Variants in CNTNAP3B observed in about 807,000 individuals in gnomAD.
The protein encoded by CNTNAP3B is contactin associated protein family member 3B, also known as contactin-associated protein-like 3B.
Under a neutral mutation model 108.9 loss-of-function variants are expected in CNTNAP3B, and 25 were observed. The observed-to-expected ratio is 0.23, with a 90% CI of 0.17 to 0.32. The LOEUF (loss-of-function observed/expected upper bound fraction) is 0.32, where lower values mean the gene tolerates loss of function less well. Among genes scored for constraint, CNTNAP3B ranks in the 10% least tolerant of loss-of-function variants. The probability of loss-of-function intolerance (pLI) is 1.00; values close to 1 mark genes in which losing one functional copy is unlikely to be tolerated. For missense variants in CNTNAP3B, 252 were observed against 1,210.4 expected (o/e 0.21, Z 11.75); for synonymous variants, 103 against 473.4 (o/e 0.22, Z 10.16).
intron 3 of CNTNAP3B, among the ~76,000 whole-genome samples, chr9:42,021,920 C>T (rs1359505839): frequency 7.7e-6 from 1 of 129,570 alleles, no homozygotes; most frequent in Non-Finnish European, 1.6e-5. Context: ...AGTTAACCCC[C>T]TTCTTGCCCT....
At chr9:41,939,169 A>G (rs917899488) in intron 13 of CNTNAP3B, among the ~76,000 whole-genome samples, 1 of 152,296 alleles carries the variant, frequency 6.6e-6, no homozygotes, top group Non-Finnish European at 1.5e-5. Context: ...GACTGACAGC[A>G]CATCACAGTA....
At position 42,122,614 on chromosome 9, in the gene CNTNAP3B, T is replaced by C. The variant is rs1250956984; in HGVS notation, c.85+6396A>G. Among the ~76,000 whole-genome samples the C allele has an allele frequency of 2.2e-5, 3 of 137,704 alleles. 1 individual carries two copies. In the South Asian group the frequency reaches 7.0e-4, roughly 32 times the overall value. 90.3% of individuals were successfully genotyped at this position (137,704 alleles called of 152,430 possible). On this transcript the variant is annotated intron_variant, in intron 1 of 23. Coordinates refer to ENST00000377561, the MANE Select transcript of CNTNAP3B (RefSeq NM_001201380.3). ...GCATTACTTTTTCTACCAATCTTCT[T>C]ACAATAAATTCATAAATATCTTAAT...
rs1192608668 is a variant in CNTNAP3B, at chr9:41,995,907, G to A, written c.1071+298C>T. On this transcript the variant is annotated intron_variant, in intron 7 of 23. Transcript: ENST00000377561. ...AAAAATTAGCTGGGCATGGTGGCGG[G>A]CGCCTGTAATCCCAGCTACTCAGGA... 2.8e-5 allele frequency among the ~76,000 whole-genome samples: 4 copies of A among 143,888 alleles called. No homozygotes were observed. The South Asian group carries it at 6.7e-4, about 24-fold the overall frequency. 94.4% of individuals were successfully genotyped at this position (143,888 alleles called of 152,430 possible). A position where few individuals can be genotyped will look rare whatever the true frequency, so the allele number is the denominator to read the frequency against.
At chr9:41,932,621 G>A (rs1328592561) in intron 14 of CNTNAP3B, among the ~76,000 whole-genome samples, 1 of 151,990 alleles carries the variant, frequency 6.6e-6, no homozygotes, top group Non-Finnish European at 1.5e-5. Flanking sequence ...CAGGATTCAA[G>A]CGATTCTCCT....
chr9:41,916,114 T>C (rs1381268198), intron 18 of CNTNAP3B, among the ~76,000 whole-genome samples: 1 of 146,768 alleles, frequency 6.8e-6, no homozygotes, highest in East Asian at 1.9e-4. Flanking sequence ...TAAATATTTA[T>C]AGACTTTGTC....
At chr9:41,917,896 G>A (rs1425483129) in intron 18 of CNTNAP3B, among the ~76,000 whole-genome samples, 242 of 151,464 alleles carry the variant, frequency 1.6e-3, no homozygotes, top group East Asian at 2.3e-3. Flanking sequence ...TGGAGCTTCC[G>A]TCATACTGAG....
chr9:42,071,639 G>C (rs982183960), intron 3 of CNTNAP3B, among the ~76,000 whole-genome samples: 2 of 137,816 alleles, frequency 1.5e-5, no homozygotes, highest in African/African-American at 5.8e-5. Context: ...AGCAAGATGG[G>C]ATGTGAAGCT....
intron 1 of CNTNAP3B, among the ~76,000 whole-genome samples, chr9:42,119,978 A>T (rs1337604495): frequency 2.1e-5 from 3 of 143,528 alleles, no homozygotes; most frequent in Non-Finnish European, 4.6e-5. Context: ...GACAAATGGG[A>T]TCTAATTAAA....
intron 17 of CNTNAP3B, among the ~76,000 whole-genome samples, chr9:41,920,675 T>A (rs2117941200): frequency 6.6e-6 from 1 of 152,426 alleles, no homozygotes; most frequent in East Asian, 1.9e-4. Context: ...TGTGCATTCA[T>A]CAAACATTAT....
chr9:41,940,773 C>T (rs1371597382), intron 13 of CNTNAP3B, among the ~76,000 whole-genome samples: 5 of 152,022 alleles, frequency 3.3e-5, no homozygotes, highest in Non-Finnish European at 7.4e-5. Flanking sequence ...CGAGATTGTG[C>T]CACTGCACTC....
At chr9:41,925,494 G>A (rs1823791135) in intron 15 of CNTNAP3B, among the ~76,000 whole-genome samples, 1 of 152,268 alleles carries the variant, frequency 6.6e-6, no homozygotes, top group African/African-American at 2.4e-5. Context: ...TCGGGAGGCT[G>A]AGGCAGGAGA....
At chr9:41,958,176 T>G (rs1463413952) in intron 12 of CNTNAP3B, among the ~76,000 whole-genome samples, 307 of 151,778 alleles carry the variant, frequency 2.0e-3, no homozygotes, top group African/African-American at 6.9e-3. Context: ...GGTGTGACCA[T>G]GGCTCACTGC....
rs1355311134 is a variant in CNTNAP3B, at chr9:42,103,596, C to A, written c.196+1033G>T. Among the ~76,000 whole-genome samples the A allele has an allele frequency of 2.7e-5, 3 of 113,008 alleles. 1 individual carries two copies. The highest frequency in any genetic ancestry group is 1.1e-4 in the African/African-American group (3 of 27,944). The allele number at this position is 113,008 out of a possible 152,430, so 74.1% of individuals were successfully genotyped here. A position where few individuals can be genotyped will look rare whatever the true frequency, so the allele number is the denominator to read the frequency against. On this transcript the variant is annotated intron_variant, in intron 2 of 23. Transcript: ENST00000377561. ...AAAAAATACAAAAAATTAGTCAGGCCTGGTGGCGGGTGCCTGTAGTCCTAG... is the reference window on the plus strand; with the variant it reads ...AAAAAATACAAAAAATTAGTCAGGCATGGTGGCGGGTGCCTGTAGTCCTAG...
intron 3 of CNTNAP3B, among the ~76,000 whole-genome samples, chr9:42,051,693 C>T (rs1343672994): frequency 5.8e-5 from 8 of 137,232 alleles, no homozygotes; most frequent in African/African-American, 2.2e-4. Context: ...AGACAATTGA[C>T]TGTTAATGTA....
intron 3 of CNTNAP3B, among the ~76,000 whole-genome samples, chr9:42,024,873 T>C (rs1291494270): frequency 6.9e-6 from 1 of 144,258 alleles, no homozygotes; most frequent in Non-Finnish European, 1.5e-5. Flanking sequence ...CAGACTCAGG[T>C]TGAATCCTTT....
At position 42,077,495 on chromosome 9, in the gene CNTNAP3B, G is replaced by A. The variant is rs1827517068; in HGVS notation, c.197-433C>T. Among the ~76,000 whole-genome samples the A allele has an allele frequency of 1.5e-5, 2 of 134,834 alleles. 1 individual carries two copies. The highest frequency in any genetic ancestry group is 3.1e-5 in the Non-Finnish European group (2 of 63,592). 88.5% of individuals were successfully genotyped at this position (134,834 alleles called of 152,430 possible). A position where few individuals can be genotyped will look rare whatever the true frequency, so the allele number is the denominator to read the frequency against. On this transcript the variant is annotated intron_variant, in intron 2 of 23. Transcript: ENST00000377561. The stretch of plus-strand genomic sequence containing the variant: ...TCAAAGTGCTTACAGTCTCATAGGA[G>A]AAATGGATGTAAAAGAAGAGTTAAA...
chr9:41,929,407 G>A lies in CNTNAP3B; in HGVS notation c.2275C>T (p.Leu759Phe), dbSNP rs1823911735. Residue 759 changes from leucine (L) to phenylalanine (F), a missense_variant, in exon 15 of 24, where the codon CTC (leucine) becomes TTC (phenylalanine). Coordinates refer to ENST00000377561, the MANE Select transcript of CNTNAP3B (RefSeq NM_001201380.3). ...GTCATCACAATCTGAGTGACTGGGA[G>A]GTGCTCCTTTTGGGAAAGGACTATT... is the stretch of plus-strand genomic sequence containing the variant. Reference protein sequence around the residue: ...DTIVLSQKEHLPVTQIVMTDT... With the variant: ...DTIVLSQKEHFPVTQIVMTDT... 1.3e-6 allele frequency: 2 copies of A among 1,540,282 alleles called. No individual in the cohort carries two copies. The highest frequency in any genetic ancestry group is 8.8e-7 in the Non-Finnish European group (1 of 1,137,428).
At chr9:41,956,572 A>G (rs1824867329) in intron 12 of CNTNAP3B, among the ~76,000 whole-genome samples, 1 of 151,146 alleles carries the variant, frequency 6.6e-6, no homozygotes, top group African/African-American at 2.4e-5. Context: ...TATATGTCCC[A>G]GAAGAAAAAA....
chr9:42,001,574 T>A (rs1417769517), intron 4 of CNTNAP3B, among the ~76,000 whole-genome samples: 1 of 136,612 alleles, frequency 7.3e-6, no homozygotes. Flanking sequence ...TTCAATTATA[T>A]AAATAGGAAA....
Sources: gnomAD v4.1 joint callset for allele counts (sites outside exome capture counted in the v4.1 genomes callset) on GRCh38, gnomAD v4.1.1 for gene constraint, MANE v1.5 for transcripts, NCBI Gene and HGNC (gene_info 2026-07-23, HGNC 2026-07-21) for gene names.